ZNF322: variants seen among roughly 807,000 people sequenced by gnomAD.
ZNF322 encodes zinc finger protein 322, also known as HLA complex group 12.
ZNF322 carries 1 observed loss-of-function variant against 18.3 expected under a neutral mutation model. The ratio of observed to expected loss-of-function variants is 0.05; its 90% CI spans 0.02 to 0.26. The LOEUF (loss-of-function observed/expected upper bound fraction) is 0.26, where lower values mean the gene tolerates loss of function less well. ZNF322 is among the 10% of genes least tolerant of loss of function. The pLI is 1.00. For missense variants in ZNF322, 36 were observed against 403.6 expected, an observed-to-expected ratio of 0.09 and a Z score of 7.80; for synonymous variants, 17 against 130.7, an observed-to-expected ratio of 0.13 and a Z score of 5.93.
intron 2 of ZNF322, among the ~76,000 whole-genome samples, chr6:26,649,886 A>G (rs1220996829): frequency 6.6e-6 from 1 of 150,766 alleles, no homozygotes; most frequent in African/African-American, 2.4e-5. Flanking sequence ...TATTTTTAGT[A>G]GAGACGGGGT....
At chr6:26,650,448 C>T (rs1765647710) in intron 2 of ZNF322, 1 of 151,642 alleles carries the variant, frequency 6.6e-6, no homozygotes, top group Middle Eastern at 3.2e-3. Flanking sequence ...GATAATGCTA[C>T]AAGACAAGAA....
intron 2 of ZNF322, among the ~76,000 whole-genome samples, chr6:26,647,883 T>C: frequency 6.6e-6 from 1 of 151,874 alleles, no homozygotes. Context: ...ATCGCTTTTT[T>C]TTTTTTTTTT....
At chr6:26,651,958 A>G (rs1554149243) in intron 2 of ZNF322, among the ~76,000 whole-genome samples, 1 of 152,138 alleles carries the variant, frequency 6.6e-6, no homozygotes, top group Non-Finnish European at 1.5e-5. Flanking sequence ...CAGCCTCCTG[A>G]GTAGCTGGGA....
intron 2 of ZNF322, among the ~76,000 whole-genome samples, chr6:26,648,017 A>G (rs193234821): frequency 5.6e-4 from 85 of 152,172 alleles, no homozygotes; most frequent in African/African-American, 1.9e-3. Context: ...TAGCTGGGGT[A>G]TAGGTACACA....
In ZNF322 at chr6:26,634,791, CCT is replaced by C. The variant is rs568367738; in HGVS notation, c.*2552_*2553del. ...GTTGAAAGAAGGGTCAAGTCATTGC[CCT>C]GTTAATGATACCAACTTTGACCCCT... is the stretch of plus-strand genomic sequence containing the variant. On this transcript the variant is annotated 3_prime_UTR_variant, in exon 4 of 4. Coordinates refer to ENST00000415922, the MANE Select transcript of ZNF322 (RefSeq NM_024639.5). 68 of 42,112 alleles carry C rather than the reference CCT, an allele frequency of 1.6e-3. No homozygotes were observed. Among genetic ancestry groups the C allele is most frequent in the African/African-American group, 6.5e-3 (64 of 9,834 alleles). The allele number at this position is 42,112 out of a possible 1,614,324, so 2.6% of individuals were successfully genotyped here.
At chr6:26,647,570 GT>G (rs1765578889) in intron 2 of ZNF322, among the ~76,000 whole-genome samples, 1 of 151,780 alleles carries the variant, frequency 6.6e-6, no homozygotes, top group Non-Finnish European at 1.5e-5. Context: ...TAAAATAAGG[GT>G]TTCTTTATGA....
chr6:26,635,988 T>G lies in ZNF322; in HGVS notation c.*1357A>C, dbSNP rs2113651445. The G allele has an allele frequency of 7.9e-6, 1 of 126,174 alleles. No individual in the cohort carries two copies. The highest frequency in any genetic ancestry group is 2.9e-4 in the South Asian group (1 of 3,500). The allele number at this position is 126,174 out of a possible 1,614,324, so 7.8% of individuals were successfully genotyped here. A position where few individuals can be genotyped will look rare whatever the true frequency, so the allele number is the denominator to read the frequency against. Reference sequence around the variant, plus strand: ...CTAAACTTGAAATTTCAAATACCAGTAATAACTTGAAAGATATTTTAGGGG... The same window carrying G: ...CTAAACTTGAAATTTCAAATACCAGGAATAACTTGAAAGATATTTTAGGGG... On this transcript the variant is annotated 3_prime_UTR_variant, in exon 4 of 4. Coordinates refer to ENST00000415922, the MANE Select transcript of ZNF322 (RefSeq NM_024639.5).
Position 26,649,690 on chromosome 6 carries a change from TATATATA to T in ZNF322, c.-245-5969_-245-5963del, listed in dbSNP as rs1483451077. Among the ~76,000 whole-genome samples the T allele has an allele frequency of 3.4e-3, 282 of 82,538 alleles. 7 individuals are homozygous for T. Among genetic ancestry groups the T allele is most frequent in the East Asian group, 8.6e-3 (30 of 3,508 alleles). 54.1% of individuals were successfully genotyped at this position (82,538 alleles called of 152,430 possible). A position where few individuals can be genotyped will look rare whatever the true frequency, so the allele number is the denominator to read the frequency against. The stretch of plus-strand genomic sequence containing the variant: ...GTGTGTGTGTGTATATATATATATA[TATATATA>T]TATATTTTTTTTTTTTTTTTTTTGA... On this transcript the variant is annotated intron_variant, in intron 2 of 3. Transcript: ENST00000415922.
In ZNF322 at chr6:26,643,700, C is replaced by G. The variant is rs1765504814; in HGVS notation, c.-217G>C. On this transcript the variant is annotated 5_prime_UTR_variant, in exon 3 of 4. Coordinates refer to ENST00000415922, the MANE Select transcript of ZNF322 (RefSeq NM_024639.5). ...AGAAAACATACATTCCTGATCCTGA[C>G]AATTTGACTTCTCAAAGAAGATAGC... is the stretch of plus-strand genomic sequence containing the variant. 1 of 160,580 alleles carries G rather than the reference C, an allele frequency of 6.2e-6. No individual in the cohort carries two copies. Among genetic ancestry groups the G allele is most frequent in the Non-Finnish European group, 1.5e-5 (1 of 68,082 alleles). The allele number at this position is 160,580 out of a possible 1,614,324, so 9.9% of individuals were successfully genotyped here. A position where few individuals can be genotyped will look rare whatever the true frequency, so the allele number is the denominator to read the frequency against.
At position 26,653,859 on chromosome 6, in the gene ZNF322, C is replaced by T. The variant is rs929329981; in HGVS notation, c.-246+4699G>A. ...AGAATTATGTTACATTTTACATATT[C>T]AATACATGAATGAACTAATGAACTA... On this transcript the variant is annotated intron_variant, in intron 2 of 3. Coordinates refer to ENST00000415922, the MANE Select transcript of ZNF322 (RefSeq NM_024639.5). Among the ~76,000 whole-genome samples the T allele has an allele frequency of 2.6e-5, 4 of 151,866 alleles. No individual in the cohort carries two copies. In the East Asian group the frequency reaches 7.7e-4, roughly 29 times the overall value.
chr6:26,644,375 G>T (rs1581490636), intron 2 of ZNF322, among the ~76,000 whole-genome samples: 1 of 152,224 alleles, frequency 6.6e-6, no homozygotes, highest in East Asian at 1.9e-4. Flanking sequence ...AGCAAAAATG[G>T]AACTACTTGG....
At chr6:26,653,878 T>A (rs1013387078) in intron 2 of ZNF322, among the ~76,000 whole-genome samples, 7 of 152,028 alleles carry the variant, frequency 4.6e-5, no homozygotes, top group African/African-American at 1.4e-4. Context: ...AATGAACTAA[T>A]GAACTAAATA....
At chr6:26,642,591 G>A (rs552709910) in intron 3 of ZNF322, among the ~76,000 whole-genome samples, 3 of 152,168 alleles carry the variant, frequency 2.0e-5, no homozygotes, top group South Asian at 4.2e-4. Flanking sequence ...TGACTTTCAC[G>A]GTATCACAGA....
rs190885380 is a variant in ZNF322, at chr6:26,649,540, T to C, written c.-245-5812A>G. On this transcript the variant is annotated intron_variant, in intron 2 of 3. Coordinates refer to ENST00000415922, the MANE Select transcript of ZNF322 (RefSeq NM_024639.5). ...CAAGAAAACTAAAGTAAATTCTACA[T>C]TAATCTTAGGGTACCAAAAATTTTC... 4.4e-3 allele frequency among the ~76,000 whole-genome samples: 659 copies of C among 151,418 alleles called. 5 individuals carry two copies. Among genetic ancestry groups the C allele is most frequent in the African/African-American group, 0.013 (535 of 41,330 alleles).
chr6:26,652,537 A>T (rs1465587631), intron 2 of ZNF322, among the ~76,000 whole-genome samples: 1 of 152,048 alleles, frequency 6.6e-6, no homozygotes, highest in East Asian at 1.9e-4. Flanking sequence ...AAAAATACAA[A>T]AAATTAGCTG....
At chr6:26,653,263 G>A (rs1380084082) in intron 2 of ZNF322, among the ~76,000 whole-genome samples, 1 of 152,174 alleles carries the variant, frequency 6.6e-6, no homozygotes, top group Non-Finnish European at 1.5e-5. Context: ...AAACTCATAC[G>A]TTGCTGGAGG....
In ZNF322 at chr6:26,634,470, G is replaced by A. The variant is rs1765320826; in HGVS notation, c.*2875C>T. The A allele has an allele frequency of 6.7e-6, 1 of 149,808 alleles. No homozygotes were observed. The highest frequency in any genetic ancestry group is 6.7e-5 in the Admixed American group (1 of 14,908). 9.3% of individuals were successfully genotyped at this position (149,808 alleles called of 1,614,324 possible). ...GGAATACATCAACTGAATACAAGTT[G>A]TCTTGTTTGGTCTGAAATCTTGAAA... is the stretch of plus-strand genomic sequence containing the variant. On this transcript the variant is annotated 3_prime_UTR_variant, in exon 4 of 4. Coordinates refer to ENST00000415922, the MANE Select transcript of ZNF322 (RefSeq NM_024639.5).
At chr6:26,649,193 T>C (rs2494711) in intron 2 of ZNF322, among the ~76,000 whole-genome samples, 99,030 of 152,120 alleles carry the variant, frequency 0.65, 32,724 homozygotes, top group East Asian at 0.78. Flanking sequence ...AGACAGACTA[T>C]GAAGGGTAAC....
rs1354805244 is a variant in ZNF322 at position 26,643,738 on chromosome 6, A to C, written c.-245-10T>G. The C allele has an allele frequency of 6.3e-6, 1 of 157,524 alleles. No homozygotes were observed. The highest frequency in any genetic ancestry group is 1.5e-5 in the Non-Finnish European group (1 of 68,082). The allele number at this position is 157,524 out of a possible 1,614,324, so 9.8% of individuals were successfully genotyped here. The stretch of plus-strand genomic sequence containing the variant: ...CAAAGAAGATAGCATTCTGTAAAAC[A>C]CAAAGACAAGGATAAAAAGCCATAA... On this transcript the variant is annotated splice_polypyrimidine_tract_variant and intron_variant, in intron 2 of 3. Coordinates refer to ENST00000415922, the MANE Select transcript of ZNF322 (RefSeq NM_024639.5).
Sources: allele counts gnomAD v4.1 joint callset (sites outside exome capture counted in the v4.1 genomes callset), GRCh38; gene constraint gnomAD v4.1.1; transcripts MANE v1.5; gene names NCBI Gene and HGNC (gene_info 2026-07-23, HGNC 2026-07-21).